Variants in RYR3 observed in about 807,000 individuals in gnomAD.
RYR3 encodes the protein ryanodine receptor 3.
In RYR3, 207 loss-of-function variants were observed where a neutral mutation model predicts 584.3. The ratio of observed to expected loss-of-function variants is 0.35; its 90% CI spans 0.32 to 0.40. The LOEUF (loss-of-function observed/expected upper bound fraction) is 0.40, where lower values mean the gene tolerates loss of function less well. Among genes scored for constraint, RYR3 ranks in the 10% least tolerant of loss-of-function variants. The probability of loss-of-function intolerance (pLI) is 1.00; values close to 1 mark genes in which losing one functional copy is unlikely to be tolerated. For missense variants in RYR3, 5,616 were observed against 6,089.2 expected (o/e 0.92, Z 2.59); for synonymous variants, 2,416 against 2,248.5 (o/e 1.07, Z -2.11).
At chr15:33,663,836 A>T in intron 36 of RYR3, 99 bp downstream of exon 36, 1 of 1,025,708 alleles carries the variant, frequency 9.7e-7, no homozygotes, top group Non-Finnish European at 1.4e-6. Flanking sequence ...GGGCAGCCTC[A>T]AGAGCTATGG....
chr15:33,370,740 G>A (rs7182017), intron 1 of RYR3, among the ~76,000 whole-genome samples: 11,990 of 152,210 alleles, frequency 0.079, 505 homozygotes, highest in Non-Finnish European at 0.099. Flanking sequence ...GAACCAGGAA[G>A]AAACTGGAAC....
chr15:33,473,277 C>T (rs1022145246), intron 1 of RYR3, 142 bp from the exon 2 acceptor site: 64 of 946,304 alleles, frequency 6.8e-5, no homozygotes, highest in Admixed American at 1.0e-4. Flanking sequence ...AATCTCCTTC[C>T]GTAATCAGGT....
At chr15:33,503,506 T>A in intron 2 of RYR3, 125 bp from the exon 3 acceptor site, 1 of 625,714 alleles carries the variant, frequency 1.6e-6, no homozygotes, top group Non-Finnish European at 2.9e-6. Flanking sequence ...GCCACCTTTT[T>A]GCATTCCTAT....
intron 1 of RYR3, among the ~76,000 whole-genome samples, chr15:33,325,011 G>C (rs1033567754): frequency 6.6e-6 from 1 of 152,146 alleles, no homozygotes. Context: ...GATATTTCTA[G>C]ATTCTTCTAA....
intron 85 of RYR3, among the ~76,000 whole-genome samples, chr15:33,830,442 C>T (rs2077607225): frequency 6.6e-6 from 1 of 152,186 alleles, no homozygotes; most frequent in Non-Finnish European, 1.5e-5. Flanking sequence ...TGCTATTGCA[C>T]ACTTAATAGA....
intron 102 of RYR3, among the ~76,000 whole-genome samples, chr15:33,861,671 T>A (rs1888278861): frequency 6.6e-6 from 1 of 152,192 alleles, no homozygotes; most frequent in African/African-American, 2.4e-5. Context: ...ATCATAATAT[T>A]GGGTCTTGTC....
At chr15:33,511,198 G>C (rs185421916) in intron 3 of RYR3, among the ~76,000 whole-genome samples, 21 of 151,936 alleles carry the variant, frequency 1.4e-4, no homozygotes, top group Non-Finnish European at 1.5e-5. Context: ...CTTGCTTATA[G>C]TTTGTTGATG....
chr15:33,865,201 A>AACAATATGAAGATCAGCTTGGAT lies in RYR3; in HGVS notation c.14590_14612dup (p.Ter4871TyrfsTer43). ...TTCCCAGCCGGTGACTGCTTTCGTAAACAATATGAAGATCAGCTTGGATAA... is the reference window on the plus strand; with the variant it reads ...TTCCCAGCCGGTGACTGCTTTCGTAAACAATATGAAGATCAGCTTGGATACAATATGAAGATCAGCTTGGATAA... On this transcript the variant is annotated frameshift_variant, in exon 104 of 104. Coordinates refer to ENST00000634891, the MANE Select transcript of RYR3 (RefSeq NM_001036.6). LOFTEE classifies it high-confidence loss of function. 6.2e-7 allele frequency: 1 copy of AACAATATGAAGATCAGCTTGGAT among 1,613,620 alleles called. No homozygotes were observed. The highest frequency in any genetic ancestry group is 8.5e-7 in the Non-Finnish European group (1 of 1,179,742).
At chr15:33,469,570 G>A (rs2048764401) in intron 1 of RYR3, among the ~76,000 whole-genome samples, 1 of 151,884 alleles carries the variant, frequency 6.6e-6, no homozygotes, top group Non-Finnish European at 1.5e-5. Context: ...GTAAGCTGAG[G>A]TTGCCCAGAG....
intron 3 of RYR3, among the ~76,000 whole-genome samples, chr15:33,504,249 C>T (rs1259934498): frequency 6.6e-6 from 1 of 152,156 alleles, no homozygotes; most frequent in Non-Finnish European, 1.5e-5. Flanking sequence ...CTTGAGTTTC[C>T]ATTGTCAGTA....
chr15:33,336,554 GA>G (rs143883392), intron 1 of RYR3, among the ~76,000 whole-genome samples: 1 of 66,848 alleles, frequency 1.5e-5, no homozygotes, highest in Non-Finnish European at 3.4e-5. Flanking sequence ...AGGAGGGAAG[GA>G]AGGAAGAAAA....
chr15:33,864,099 T>C (rs776567496), intron 102 of RYR3, 39 bp from the exon 103 acceptor site: 2 of 1,519,522 alleles, frequency 1.3e-6, no homozygotes, highest in South Asian at 1.2e-5. Flanking sequence ...AACTTGGGTC[T>C]TGACCAGAGT....
chr15:33,564,052 A>G (rs1209826824), intron 11 of RYR3, among the ~76,000 whole-genome samples: 2 of 152,212 alleles, frequency 1.3e-5, no homozygotes, highest in Non-Finnish European at 2.9e-5. Context: ...ACGTAAGTGC[A>G]CTAAGGTGAG....
chr15:33,805,476 T>C (rs1370003922), intron 69 of RYR3, among the ~76,000 whole-genome samples: 5 of 151,518 alleles, frequency 3.3e-5, no homozygotes, highest in Non-Finnish European at 7.4e-5. Flanking sequence ...TCTCTTTTTT[T>C]TTTTTTTTTC....
At chr15:33,389,496 T>C (rs1196929021) in intron 1 of RYR3, among the ~76,000 whole-genome samples, 6 of 152,210 alleles carry the variant, frequency 3.9e-5, no homozygotes, top group Non-Finnish European at 7.3e-5. Flanking sequence ...TAAAATAATT[T>C]CTTGACTATT....
chr15:33,352,415 TAC>T (rs1973404696), intron 1 of RYR3, among the ~76,000 whole-genome samples: 2 of 152,166 alleles, frequency 1.3e-5, no homozygotes, highest in South Asian at 4.1e-4. Context: ...ATTATTTTGA[TAC>T]AGTCAGTGCT....
intron 3 of RYR3, among the ~76,000 whole-genome samples, chr15:33,523,732 T>A (rs1446436693): frequency 6.6e-6 from 1 of 151,856 alleles, no homozygotes; most frequent in African/African-American, 2.4e-5. Flanking sequence ...AAGAACGGGA[T>A]TTAAAGTGAA....
chr15:33,825,517 G>A (rs529082508), intron 81 of RYR3, 86 bp from the exon 82 acceptor site: 195 of 823,478 alleles, frequency 2.4e-4, no homozygotes, highest in Non-Finnish European at 3.4e-4. Context: ...GGCAGGATAT[G>A]CTTAGTCGAT....
At chr15:33,513,393 C>T (rs148428392) in intron 3 of RYR3, among the ~76,000 whole-genome samples, 2 of 152,308 alleles carry the variant, frequency 1.3e-5, no homozygotes, top group African/African-American at 2.4e-5. Context: ...GTGACCAACA[C>T]TCCAGTCCTA....
Sources: allele counts gnomAD v4.1 joint callset (sites outside exome capture counted in the v4.1 genomes callset), GRCh38; gene constraint gnomAD v4.1.1; transcripts MANE v1.5; gene names NCBI Gene and HGNC (gene_info 2026-07-23, HGNC 2026-07-21).